CDC25C: variants seen among roughly 807,000 people sequenced by gnomAD.
CDC25C encodes the protein cell division cycle 25C.
CDC25C carries 48 observed loss-of-function variants against 52.5 expected under a neutral mutation model. The observed-to-expected ratio is 0.91, with a 90% CI of 0.72 to 1.16. CDC25C has a LOEUF of 1.16. CDC25C is among the 50% of genes most tolerant of loss of function. CDC25C has a pLI of 0.00. For missense variants in CDC25C, 510 were observed against 566.1 expected (o/e 0.90, Z 1.01); for synonymous variants, 187 against 206.5 (o/e 0.91, Z 0.81).
upstream of CDC25C, chr5:138,331,951 T>G (rs540274185): frequency 1.0e-6 from 1 of 963,520 alleles, no homozygotes; most frequent in African/African-American, 1.8e-5. Context: ...CCTGGGGGCG[T>G]GTGCTTGCTC....
At chr5:138,307,298 G>A (rs1198452948) in intron 7 of CDC25C, among the ~76,000 whole-genome samples, 3 of 151,446 alleles carry the variant, frequency 2.0e-5, no homozygotes, top group Admixed American at 2.0e-4. Flanking sequence ...GAGCCCAGGA[G>A]TTAAGACCAG....
chr5:138,324,686 A>T (rs1759713459), intron 6 of CDC25C, among the ~76,000 whole-genome samples: 1 of 152,036 alleles, frequency 6.6e-6, no homozygotes, highest in South Asian at 2.1e-4. Flanking sequence ...TGAACCCAGG[A>T]GGTAGAGGTT....
At chr5:138,296,288 T>A (rs35397950) in intron 7 of CDC25C, among the ~76,000 whole-genome samples, 22,042 of 152,132 alleles carry the variant, frequency 0.14, 1,872 homozygotes, top group South Asian at 0.23. Flanking sequence ...CAGGCTGGAG[T>A]GCAGTGGCAC....
Position 138,328,549 on chromosome 5 carries a change from A to G in CDC25C, c.290-20T>C, listed in dbSNP as rs756768498. 8 of 1,606,800 alleles carry G rather than the reference A, an allele frequency of 5.0e-6. No homozygotes were observed. The Admixed American group carries it at 1.3e-4, about 27-fold the overall frequency. ...GGTGACCTGCAATCAAATATAAAGAATCAGTAAAAGGAGTTATTCTTGTCC... is the reference window on the plus strand; with the variant it reads ...GGTGACCTGCAATCAAATATAAAGAGTCAGTAAAAGGAGTTATTCTTGTCC... On this transcript the variant is annotated intron_variant, in intron 3 of 13. Transcript: ENST00000323760.
chr5:138,331,172 C>A lies in CDC25C; in HGVS notation c.9G>T (p.Thr3=). 6.2e-7 allele frequency: 1 copy of A among 1,614,036 alleles called. No individual in the cohort carries two copies. MS[T]ELFSSTREEG... ...CCTCTCTTGTGGATGAGAAGAGTTCCGTAGACATGGTCTTCGAATTCTCAC... is the reference window on the plus strand; with the variant it reads ...CCTCTCTTGTGGATGAGAAGAGTTCAGTAGACATGGTCTTCGAATTCTCAC... The change falls in exon 2 of 14, where the codon ACG becomes ACT. Residue 3 remains threonine (T), a synonymous_variant. Transcript: ENST00000323760.
chr5:138,328,297 C>T (rs1192634941), intron 4 of CDC25C, among the ~76,000 whole-genome samples, 187 bp downstream of exon 4: 2 of 152,148 alleles, frequency 1.3e-5, no homozygotes, highest in Non-Finnish European at 2.9e-5. Context: ...AATGAATAGC[C>T]TTCATTTTCA....
chr5:138,319,137 CTAAGTT>C, intron 7 of CDC25C, 76 bp downstream of exon 7: 1 of 1,263,358 alleles, frequency 7.9e-7, no homozygotes, highest in Non-Finnish European at 1.1e-6. Context: ...ATAAACTCTC[CTAAGTT>C]TAATTTGTCT....
chr5:138,338,283 G>A (rs1482392001), exon 1 of CDC25C: 1 of 847,992 alleles, frequency 1.2e-6, no homozygotes, highest in East Asian at 6.3e-5. Context: ...CTCCGGCCGC[G>A]GCCCTGGGAG....
chr5:138,334,229 C>T (rs1048416212), upstream of CDC25C, among the ~76,000 whole-genome samples: 6 of 151,974 alleles, frequency 3.9e-5, no homozygotes, highest in Non-Finnish European at 7.4e-5. Context: ...CCACTGCGCC[C>T]GGCCGCCCTT....
intron 6 of CDC25C, among the ~76,000 whole-genome samples, chr5:138,320,487 C>T (rs1018643144): frequency 6.6e-6 from 1 of 151,992 alleles, no homozygotes; most frequent in African/African-American, 2.4e-5. Context: ...AATTCTAATA[C>T]ATGCTATGAC....
At chr5:138,330,339 T>C (rs1314327152) in intron 2 of CDC25C, among the ~76,000 whole-genome samples, 2 of 152,150 alleles carry the variant, frequency 1.3e-5, no homozygotes, top group Non-Finnish European at 2.9e-5. Context: ...TCTTTGCTAG[T>C]TGAGACATGG....
intron 7 of CDC25C, among the ~76,000 whole-genome samples, chr5:138,294,527 CAG>C (rs1421136810): frequency 2.0e-5 from 2 of 100,880 alleles, no homozygotes; most frequent in African/African-American, 8.1e-5. Context: ...TTTTTTGAGA[CAG>C]AGTCTTGCTC....
rs200759602 is a variant in CDC25C at position 138,286,500 on chromosome 5, C to T, written c.1157G>A (p.Arg386Gln). 1.2e-5 allele frequency: 20 copies of T among 1,610,224 alleles called. No individual in the cohort carries two copies. In the East Asian group the frequency reaches 2.2e-4, roughly 18 times the overall value. ...HCEFSSERGP[R>Q]MCRCLREEDR... ...CAGACCCCATTTAGACACTCACATT[C>T]GGGGGCCCCTCTCTGAGGAGAATTC... The change falls in exon 12 of 14, where the codon CGA (arginine) becomes CAA (glutamine). Residue 386 changes from arginine (R) to glutamine (Q), a missense_variant. Coordinates refer to ENST00000323760, the MANE Select transcript of CDC25C (RefSeq NM_001790.5).
intron 7 of CDC25C, among the ~76,000 whole-genome samples, chr5:138,314,891 G>A (rs997759118): frequency 6.8e-6 from 1 of 147,330 alleles, no homozygotes; most frequent in African/African-American, 2.5e-5. Flanking sequence ...AAAGTGCTGG[G>A]ATTACAGGCC....
In CDC25C at chr5:138,290,654, A is replaced by G. The variant is rs1479755125; in HGVS notation, c.849T>C (p.Ile283=). 2.5e-6 allele frequency: 4 copies of G among 1,601,520 alleles called. No homozygotes were observed. Among genetic ancestry groups the G allele is most frequent in the Non-Finnish European group, 3.4e-6 (4 of 1,168,692 alleles). ...CCAAACTCACCTTGGAAAAATCACC[A>G]ATCAGGTGCCCCTGGTTAGAATCTT... is the stretch of plus-strand genomic sequence containing the variant. ...LEEDSNQGHL[I]GDFSKVCALP... is the part of the protein sequence containing the mutation. Residue 283 remains isoleucine (I), a synonymous_variant, in exon 9 of 14, where the codon ATT becomes ATC. Coordinates refer to ENST00000323760, the MANE Select transcript of CDC25C (RefSeq NM_001790.5).
chr5:138,310,954 G>A (rs1308270301), intron 7 of CDC25C, among the ~76,000 whole-genome samples: 1 of 152,220 alleles, frequency 6.6e-6, no homozygotes, highest in Non-Finnish European at 1.5e-5. Flanking sequence ...CAAAGCTGCA[G>A]TAAACAGTGT....
At chr5:138,336,134 T>C (rs1263835548), upstream of CDC25C, among the ~76,000 whole-genome samples, 2 of 99,986 alleles carry the variant, frequency 2.0e-5, no homozygotes, top group East Asian at 7.8e-4. Flanking sequence ...TTTGTTCATT[T>C]GTTTTTTTTT....
upstream of CDC25C, among the ~76,000 whole-genome samples, chr5:138,333,998 A>T (rs1760561932): frequency 1.3e-5 from 2 of 151,904 alleles, no homozygotes; most frequent in African/African-American, 4.8e-5. Flanking sequence ...CAGTGGCGCA[A>T]TCTTGGCCCA....
intron 6 of CDC25C, among the ~76,000 whole-genome samples, chr5:138,321,103 A>G (rs933894102): frequency 2.0e-5 from 3 of 151,950 alleles, no homozygotes; most frequent in African/African-American, 7.3e-5. Context: ...CACACACATG[A>G]AAGGACAAAA....
Sources: allele counts gnomAD v4.1 joint callset (sites outside exome capture counted in the v4.1 genomes callset), GRCh38; gene constraint gnomAD v4.1.1; transcripts MANE v1.5; gene names NCBI Gene and HGNC (gene_info 2026-07-23, HGNC 2026-07-21).